ESRRG: variants seen among roughly 807,000 people sequenced by gnomAD.
The protein encoded by ESRRG is estrogen-related receptor gamma.
ESRRG carries 13 observed loss-of-function variants against 44.0 expected under a neutral mutation model. The ratio of observed to expected loss-of-function variants is 0.30; its 90% CI spans 0.19 to 0.47. The LOEUF (loss-of-function observed/expected upper bound fraction) is 0.47. ESRRG is among the 20% of genes least tolerant of loss of function. ESRRG has a pLI of 1.00. For missense variants in ESRRG, 395 were observed against 580.6 expected, an observed-to-expected ratio of 0.68 and a Z score of 3.29; for synonymous variants, 215 against 214.6, an observed-to-expected ratio of 1.00 and a Z score of -0.02.
intron 1 of ESRRG, chr1:216,959,742 G>A (rs1450799176): frequency 6.6e-6 from 1 of 151,982 alleles, no homozygotes; most frequent in Admixed American, 6.6e-5. Context: ...CTGAGACTGA[G>A]TGAGCACGTG....
At chr1:216,676,072 G>A (rs1450207028) in intron 2 of ESRRG, among the ~76,000 whole-genome samples, 1 of 152,158 alleles carries the variant, frequency 6.6e-6, no homozygotes, top group African/African-American at 2.4e-5. Flanking sequence ...AAACCACTGA[G>A]CAGAACCATT....
chr1:216,972,928 A>G (rs1233293509), intron 1 of ESRRG, among the ~76,000 whole-genome samples: 1 of 152,134 alleles, frequency 6.6e-6, no homozygotes, highest in African/African-American at 2.4e-5. Flanking sequence ...TGATTTGAAG[A>G]TTTTCATTCT....
At chr1:216,688,830 G>T (rs2078516668) in intron 1 of ESRRG, among the ~76,000 whole-genome samples, 1 of 152,142 alleles carries the variant, frequency 6.6e-6, no homozygotes, top group South Asian at 2.1e-4. Context: ...TTCATACAGA[G>T]AAAAGCTGAA....
intron 3 of ESRRG, among the ~76,000 whole-genome samples, chr1:216,616,453 G>T (rs527836729): frequency 6.6e-6 from 1 of 152,174 alleles, no homozygotes; most frequent in African/African-American, 2.4e-5. Context: ...TTTTAGAAAG[G>T]TTGATTTGTT....
chr1:216,637,076 T>C (rs899566025), intron 3 of ESRRG, among the ~76,000 whole-genome samples: 4 of 152,126 alleles, frequency 2.6e-5, no homozygotes, highest in Admixed American at 1.3e-4. Flanking sequence ...GGACCAGTTA[T>C]CTACAGAGCA....
At chr1:216,993,892 A>T (rs1295977529) in intron 1 of ESRRG, among the ~76,000 whole-genome samples, 1 of 152,164 alleles carries the variant, frequency 6.6e-6, no homozygotes, top group Non-Finnish European at 1.5e-5. Context: ...TATCTTCCTT[A>T]TACTTCAAAT....
At chr1:216,994,057 G>C (rs1169686370) in intron 1 of ESRRG, among the ~76,000 whole-genome samples, 1 of 152,098 alleles carries the variant, frequency 6.6e-6, no homozygotes, top group Non-Finnish European at 1.5e-5. Flanking sequence ...TAAAAAATCT[G>C]TAAGTGCATT....
At chr1:216,786,341 T>C (rs1179221947) in intron 2 of ESRRG, among the ~76,000 whole-genome samples, 3 of 152,124 alleles carry the variant, frequency 2.0e-5, no homozygotes, top group African/African-American at 7.2e-5. Context: ...GAATATGATC[T>C]CAAACGTTGA....
intron 1 of ESRRG, among the ~76,000 whole-genome samples, chr1:217,096,113 G>A (rs933628389): frequency 6.6e-6 from 1 of 152,124 alleles, no homozygotes; most frequent in African/African-American, 2.4e-5. Flanking sequence ...TAGTGTTGGT[G>A]ACTTTAAATA....
At chr1:216,753,411 C>A (rs1576167706) in intron 2 of ESRRG, among the ~76,000 whole-genome samples, 1 of 151,962 alleles carries the variant, frequency 6.6e-6, no homozygotes, top group African/African-American at 2.4e-5. Flanking sequence ...ATTTATGAGA[C>A]ATGGCAAGAG....
intron 2 of ESRRG, among the ~76,000 whole-genome samples, chr1:216,653,750 A>G (rs998007000): frequency 6.6e-6 from 1 of 152,158 alleles, no homozygotes; most frequent in Admixed American, 6.6e-5. Context: ...ATTTTGTTAT[A>G]CCTTTCATAC....
intron 3 of ESRRG, among the ~76,000 whole-genome samples, chr1:216,592,194 G>A (rs1454134396): frequency 1.0e-5 from 1 of 99,200 alleles, no homozygotes; most frequent in East Asian, 2.7e-4. Flanking sequence ...ATGAAAGTCA[G>A]GGAAAGAATG....
intron 2 of ESRRG, among the ~76,000 whole-genome samples, chr1:216,830,273 G>A (rs2095467251): frequency 6.6e-6 from 1 of 152,178 alleles, no homozygotes; most frequent in Non-Finnish European, 1.5e-5. Flanking sequence ...GGCCACGGAG[G>A]AACAATTTGG....
chr1:216,737,827 A>T (rs1019899495), intron 2 of ESRRG, among the ~76,000 whole-genome samples: 2 of 152,130 alleles, frequency 1.3e-5, no homozygotes, highest in Non-Finnish European at 2.9e-5. Context: ...GATTGTTATG[A>T]AAACAAATAA....
chr1:216,988,307 C>A (rs1292118074), intron 1 of ESRRG, among the ~76,000 whole-genome samples: 1 of 152,202 alleles, frequency 6.6e-6, no homozygotes, highest in Non-Finnish European at 1.5e-5. Flanking sequence ...TACTTACCAT[C>A]AGGATTTAGG....
rs142926676 is a variant in ESRRG at position 216,811,330 on chromosome 1, C to T, written c.-14+128252G>A. On this transcript the variant is annotated intron_variant, in intron 2 of 7. Transcript: ENST00000359162. ...TATCGTCCACATTTGTAATGGGCTA[C>T]AGCACACTAATCTTAGTTTGGCATA... 4.2e-3 allele frequency among the ~76,000 whole-genome samples: 639 copies of T among 152,122 alleles called. 7 individuals are homozygous for T. Among genetic ancestry groups the T allele is most frequent in the Middle Eastern group, 0.014 (4 of 294 alleles).
chr1:216,943,535 C>T (rs12075147), intron 1 of ESRRG, among the ~76,000 whole-genome samples: 10,060 of 152,260 alleles, frequency 0.066, 562 homozygotes, highest in African/African-American at 0.16. Flanking sequence ...ACCATTCACC[C>T]AGCTGTCCTT....
At chr1:216,977,337 T>TACACAC (rs1166553968) in intron 1 of ESRRG, among the ~76,000 whole-genome samples, 1 of 55,288 alleles carries the variant, frequency 1.8e-5, no homozygotes, top group African/African-American at 1.0e-4. Flanking sequence ...CCAAGGAGGA[T>TACACAC]ACATACACAC....
chr1:216,827,792 T>A (rs539610798), intron 2 of ESRRG, among the ~76,000 whole-genome samples: 1 of 152,084 alleles, frequency 6.6e-6, no homozygotes, highest in Admixed American at 6.6e-5. Context: ...AATAGAACCA[T>A]GTAAATAACC....
Sources: gnomAD v4.1 joint callset for allele counts (sites outside exome capture counted in the v4.1 genomes callset) on GRCh38, gnomAD v4.1.1 for gene constraint, MANE v1.5 for transcripts, NCBI Gene and HGNC (gene_info 2026-07-23, HGNC 2026-07-21) for gene names.